The following QTRT2 variants were observed in gnomAD, a reference collection of about 807,000 sequenced individuals.
The protein encoded by QTRT2 is queuine tRNA-ribosyltransferase domain containing 1.
A neutral mutation model predicts 44.8 loss-of-function variants in QTRT2; 32 were observed. The observed-to-expected ratio is 0.71, with a 90% CI of 0.54 to 0.96. The LOEUF (loss-of-function observed/expected upper bound fraction) is 0.96. Ranked by LOEUF, QTRT2 falls within the 40% of genes least tolerant of loss-of-function variation. QTRT2 has a pLI of 0.00. For synonymous variants in QTRT2, 182 were observed against 187.4 expected, an observed-to-expected ratio of 0.97 and a Z score of 0.24; for missense variants, 461 against 503.1, an observed-to-expected ratio of 0.92 and a Z score of 0.80.
At chr3:114,065,506 GTTACCT>G in intron 3 of QTRT2, 49 bp downstream of exon 3, 1 of 1,379,902 alleles carries the variant, frequency 7.2e-7, no homozygotes, top group Non-Finnish European at 1.0e-6. Context: ...CAGCAGCTTA[GTTACCT>G]TAGGTGCAAA....
intron 2 of QTRT2, among the ~76,000 whole-genome samples, chr3:114,060,505 TA>T (rs2076868520): frequency 1.6e-5 from 1 of 60,920 alleles, no homozygotes; most frequent in South Asian, 7.7e-4. Context: ...GGTAGATAGA[TA>T]GATAGATAGA....
At position 114,085,750 on chromosome 3, in the gene QTRT2, A is replaced by G. The variant is rs1413679447; in HGVS notation, c.1094A>G (p.His365Arg). The G allele has an allele frequency of 3.7e-6, 6 of 1,614,068 alleles. No homozygotes were observed. In the Admixed American group the frequency reaches 6.7e-5, roughly 18 times the overall value. ...CCKNHTRAYIHHLLVTNELLA... is the reference protein window; with the variant it reads ...CCKNHTRAYIRHLLVTNELLA... ...AAGAATCACACTCGGGCATACATCC[A>G]CCATCTGCTGGTGACCAATGAGCTG... Residue 365 changes from histidine (H) to arginine (R), a missense_variant, in exon 10 of 10, where the codon CAC (histidine) becomes CGC (arginine). His to Arg is a conservative substitution (Grantham distance 29). Transcript: ENST00000281273.
At chr3:114,082,204 CCACACACA>C (rs71146306) in intron 8 of QTRT2, among the ~76,000 whole-genome samples, 27,272 of 138,554 alleles carry the variant, frequency 0.2, 2,851 homozygotes, top group Admixed American at 0.29. Context: ...GATAACCCCA[CCACACACA>C]CACACACACA....
At chr3:114,083,838 CT>C (rs961947818) in intron 9 of QTRT2, among the ~76,000 whole-genome samples, 5 of 151,544 alleles carry the variant, frequency 3.3e-5, no homozygotes, top group African/African-American at 1.2e-4. Flanking sequence ...TTCTTTTACC[CT>C]TTTTTTTCTG....
At chr3:114,068,184 C>G in intron 5 of QTRT2, 121 bp downstream of exon 5, 1 of 791,252 alleles carries the variant, frequency 1.3e-6, no homozygotes, top group Non-Finnish European at 2.2e-6. Flanking sequence ...TTCCTTATTT[C>G]GATAATTATA....
At position 114,070,607 on chromosome 3, in the gene QTRT2, T is replaced by C; in HGVS notation, c.334-19T>C. ...GCATTTTACTCTTGCTAATTCCTCATCATTTTGCTCCATGGCAGTCTGTGT... is the reference window on the plus strand; with the variant it reads ...GCATTTTACTCTTGCTAATTCCTCACCATTTTGCTCCATGGCAGTCTGTGT... On this transcript the variant is annotated intron_variant, in intron 5 of 9. Coordinates refer to ENST00000281273, the MANE Select transcript of QTRT2 (RefSeq NM_024638.4). The C allele has an allele frequency of 6.2e-7, 1 of 1,605,158 alleles. No homozygotes were observed. Among genetic ancestry groups the C allele is most frequent in the African/African-American group, 1.3e-5 (1 of 74,888 alleles).
At chr3:114,068,539 A>G (rs1279852133) in intron 5 of QTRT2, among the ~76,000 whole-genome samples, 2 of 152,204 alleles carry the variant, frequency 1.3e-5, no homozygotes, top group Non-Finnish European at 2.9e-5. Flanking sequence ...CACCTCATTA[A>G]AAGTGTTAGG....
intron 7 of QTRT2, 145 bp from the exon 8 acceptor site, chr3:114,079,761 T>C (rs921331033): frequency 9.2e-6 from 6 of 651,420 alleles, no homozygotes; most frequent in Non-Finnish European, 1.6e-5. Context: ...TTCTGCTGCA[T>C]GTTGCTGTCC....
At chr3:114,068,400 C>A in intron 5 of QTRT2, 1 of 273,038 alleles carries the variant, frequency 3.7e-6, no homozygotes, top group Admixed American at 4.3e-5. Context: ...TTAACAACTT[C>A]AGGAAGAGTG....
chr3:114,060,497 TA>T (rs1559946037), intron 2 of QTRT2, among the ~76,000 whole-genome samples: 2 of 22,082 alleles, frequency 9.1e-5, no homozygotes, highest in Non-Finnish European at 2.8e-4. Flanking sequence ...GGTAGGTAGG[TA>T]GATAGATAGA....
At chr3:114,076,968 T>C (rs2107800808) in intron 7 of QTRT2, 26 bp downstream of exon 7, 2 of 1,606,384 alleles carry the variant, frequency 1.2e-6, no homozygotes, top group East Asian at 4.5e-5. Flanking sequence ...GGACACAGGC[T>C]GGCCTCAAGG....
intron 9 of QTRT2, among the ~76,000 whole-genome samples, chr3:114,083,625 T>C (rs1047558057): frequency 1.6e-4 from 25 of 152,122 alleles, no homozygotes; most frequent in African/African-American, 6.0e-4. Flanking sequence ...TTTTTTGTCT[T>C]ACGTAAAAGA....
Position 114,085,917 on chromosome 3 carries a change from A to G in QTRT2, c.*13A>G, listed in dbSNP as rs1211776185. ...GCAAGCATCTTGAGATCTTGCAAAT[A>G]CAAGTCTCACTCTTCACACTGAGCC... On this transcript the variant is annotated 3_prime_UTR_variant, in exon 10 of 10. Coordinates refer to ENST00000281273, the MANE Select transcript of QTRT2 (RefSeq NM_024638.4). The G allele has an allele frequency of 6.3e-7, 1 of 1,581,644 alleles. No homozygotes were observed. Among genetic ancestry groups the G allele is most frequent in the African/African-American group, 1.3e-5 (1 of 74,114 alleles).
At chr3:114,075,854 T>G (rs1177094396) in intron 6 of QTRT2, among the ~76,000 whole-genome samples, 2 of 152,230 alleles carry the variant, frequency 1.3e-5, no homozygotes, top group Non-Finnish European at 2.9e-5. Context: ...TTAGCTTGTT[T>G]AGGAAGGCAT....
intron 2 of QTRT2, among the ~76,000 whole-genome samples, chr3:114,059,618 A>T (rs538951282): frequency 2.6e-3 from 382 of 144,570 alleles, no homozygotes; most frequent in Non-Finnish European, 3.3e-3. Context: ...CCATTTTTTT[A>T]AAAAAAATAT....
rs766415360 is a variant in QTRT2, at chr3:114,065,307, T to TA, written c.56dup (p.Asn19LysfsTer34). 6 of 1,613,744 alleles carry TA rather than the reference T, an allele frequency of 3.7e-6. No homozygotes were observed. In the African/African-American group the frequency reaches 6.7e-5, roughly 18 times the overall value. On this transcript the variant is annotated frameshift_variant, in exon 3 of 10. Coordinates refer to ENST00000281273, the MANE Select transcript of QTRT2 (RefSeq NM_024638.4). LOFTEE classifies it high-confidence loss of function. ...GTTAATGGCTGTCGCCTAGGAAAAA[T>TA]AAAAAACCTGGGCAAAACAGGGGAC...
chr3:114,057,622 A>G (rs1464677245), intron 2 of QTRT2: 3 of 152,218 alleles, frequency 2.0e-5, no homozygotes, highest in South Asian at 2.1e-4. Context: ...CATACAAACT[A>G]TGCAGTACCA....
rs2077256699 is a variant in QTRT2, at chr3:114,087,802, A to G, written c.*1898A>G. Reference sequence around the variant, plus strand: ...TGACAAAAGCAGGAACAAGACTCAGAGCAAGAAGTCACTTATCACCAAGGG... The same window carrying G: ...TGACAAAAGCAGGAACAAGACTCAGGGCAAGAAGTCACTTATCACCAAGGG... On this transcript the variant is annotated 3_prime_UTR_variant, in exon 10 of 10. Transcript: ENST00000281273. 1 of 152,316 alleles carries G rather than the reference A, an allele frequency of 6.6e-6. No homozygotes were observed. Among genetic ancestry groups the G allele is most frequent in the Non-Finnish European group, 1.5e-5 (1 of 68,128 alleles). 9.4% of individuals were successfully genotyped at this position (152,316 alleles called of 1,614,324 possible).
rs1197608360 is a variant in QTRT2 at position 114,082,572 on chromosome 3, A to G, written c.899-105A>G. ...CCTTAGGATAAATTCTCAGGAGTGA[A>G]ATTACAGAGTCAAAGATCATGAAAT... On this transcript the variant is annotated intron_variant, in intron 8 of 9. Coordinates refer to ENST00000281273, the MANE Select transcript of QTRT2 (RefSeq NM_024638.4). The G allele has an allele frequency of 1.5e-5, 8 of 525,962 alleles. No homozygotes were observed. The Admixed American group carries it at 2.5e-4, about 16-fold the overall frequency. 32.6% of individuals were successfully genotyped at this position (525,962 alleles called of 1,614,324 possible). A position where few individuals can be genotyped will look rare whatever the true frequency, so the allele number is the denominator to read the frequency against.
Sources: gnomAD v4.1 joint callset for allele counts (sites outside exome capture counted in the v4.1 genomes callset) on GRCh38, gnomAD v4.1.1 for gene constraint, MANE v1.5 for transcripts, NCBI Gene and HGNC (gene_info 2026-07-23, HGNC 2026-07-21) for gene names.